KLHL1: variants seen among roughly 807,000 people sequenced by gnomAD.
KLHL1 encodes the protein kelch-like protein 1.
KLHL1 carries 47 observed loss-of-function variants against 77.7 expected under a neutral mutation model. The observed-to-expected ratio is 0.60, with a 90% CI of 0.48 to 0.77. The LOEUF (loss-of-function observed/expected upper bound fraction) is 0.77, where lower values mean the gene tolerates loss of function less well. KLHL1 is among the 30% of genes least tolerant of loss of function. The probability of loss-of-function intolerance (pLI) is 0.00; values close to 1 mark genes in which losing one functional copy is unlikely to be tolerated. For synonymous variants in KLHL1, 360 were observed against 325.2 expected (o/e 1.11, Z -1.15); for missense variants, 925 against 910.8 (o/e 1.02, Z -0.20).
intron 5 of KLHL1, among the ~76,000 whole-genome samples, chr13:69,880,164 T>C (rs1223874814): frequency 1.3e-5 from 2 of 152,184 alleles, no homozygotes; most frequent in Non-Finnish European, 2.9e-5. Flanking sequence ...TCTATGGACT[T>C]TGAAAATCAC....
chr13:69,835,475 G>A (rs759053945), intron 6 of KLHL1, among the ~76,000 whole-genome samples: 13 of 151,992 alleles, frequency 8.6e-5, no homozygotes, highest in Non-Finnish European at 1.5e-4. Context: ...ATCTGCCTTG[G>A]GCCAAACACA....
In KLHL1 at chr13:70,021,586, A is replaced by G. The variant is rs540156938; in HGVS notation, c.498-45784T>C. 5.3e-5 allele frequency among the ~76,000 whole-genome samples: 8 copies of G among 152,202 alleles called. No individual in the cohort carries two copies. In the South Asian group the frequency reaches 1.7e-3, roughly 32 times the overall value. ...ATATCTAGTTTTGTAAGCATCTGCC[A>G]AACTGTCTCCCAAAGTAGCTGTGCT... is the stretch of plus-strand genomic sequence containing the variant. On this transcript the variant is annotated intron_variant, in intron 1 of 10. Coordinates refer to ENST00000377844, the MANE Select transcript of KLHL1 (RefSeq NM_020866.3).
Position 70,108,166 on chromosome 13 carries a change from C to T in KLHL1, c.-467G>A, listed in dbSNP as rs569396846. On this transcript the variant is annotated 5_prime_UTR_variant, in exon 1 of 11. Transcript: ENST00000377844. The stretch of plus-strand genomic sequence containing the variant: ...GAAGGTGGTGGCGTTCTTGTCCTTG[C>T]AGCTCAGAGTTCAGTGTCTGGAGAG... 11 of 399,740 alleles carry T rather than the reference C, an allele frequency of 2.8e-5. No individual in the cohort carries two copies. Among genetic ancestry groups the T allele is most frequent in the African/African-American group, 8.2e-5 (4 of 48,564 alleles). The allele number at this position is 399,740 out of a possible 1,614,324, so 24.8% of individuals were successfully genotyped here.
At chr13:69,797,403 CCAT>C (rs1877157430) in intron 6 of KLHL1, among the ~76,000 whole-genome samples, 1 of 152,066 alleles carries the variant, frequency 6.6e-6, no homozygotes, top group Non-Finnish European at 1.5e-5. Context: ...TAAAATATTA[CCAT>C]GTTTTTCTTT....
chr13:69,940,864 AT>A (rs1229001840), intron 3 of KLHL1, among the ~76,000 whole-genome samples: 1 of 147,312 alleles, frequency 6.8e-6, no homozygotes, highest in Non-Finnish European at 1.5e-5. Context: ...ATCCAGAATA[AT>A]TTTTTTAAAG....
At chr13:69,810,555 T>C (rs917209920) in intron 6 of KLHL1, among the ~76,000 whole-genome samples, 7 of 152,176 alleles carry the variant, frequency 4.6e-5, no homozygotes, top group Middle Eastern at 3.4e-3. Flanking sequence ...ACAAAGTTTA[T>C]AGTGCTGAAC....
At chr13:69,897,289 T>C (rs1331109269) in intron 4 of KLHL1, among the ~76,000 whole-genome samples, 1 of 152,182 alleles carries the variant, frequency 6.6e-6, no homozygotes, top group Admixed American at 6.5e-5. Context: ...GTGGAAGCAG[T>C]TACCTGGCTA....
intron 1 of KLHL1, among the ~76,000 whole-genome samples, chr13:70,052,001 T>C (rs934898371): frequency 2.0e-5 from 3 of 151,980 alleles, no homozygotes; most frequent in African/African-American, 7.2e-5. Flanking sequence ...GTATTTCTTA[T>C]TCTTAAATAC....
intron 1 of KLHL1, among the ~76,000 whole-genome samples, chr13:69,994,824 A>T (rs561726170): frequency 1.6e-4 from 24 of 152,228 alleles, no homozygotes; most frequent in Admixed American, 1.4e-3. Context: ...TTTTTTAAAA[A>T]ATACTAATAT....
At chr13:69,765,064 G>A (rs1484844185) in intron 7 of KLHL1, among the ~76,000 whole-genome samples, 1 of 144,518 alleles carries the variant, frequency 6.9e-6, no homozygotes, top group Non-Finnish European at 1.5e-5. Context: ...TGATTCTCCT[G>A]CCTTAAACTC....
chr13:69,926,307 A>T (rs1220653343), intron 4 of KLHL1, among the ~76,000 whole-genome samples: 1 of 152,198 alleles, frequency 6.6e-6, no homozygotes, highest in Non-Finnish European at 1.5e-5. Context: ...TAAGTTATTT[A>T]AAAAGCATAT....
intron 8 of KLHL1, among the ~76,000 whole-genome samples, chr13:69,735,509 T>C (rs1319694470): frequency 6.7e-6 from 1 of 149,730 alleles, no homozygotes; most frequent in Non-Finnish European, 1.5e-5. Flanking sequence ...TAAATGGTTA[T>C]ATATAAATTA....
At chr13:69,836,922 A>G (rs1879014582) in intron 6 of KLHL1, among the ~76,000 whole-genome samples, 1 of 152,026 alleles carries the variant, frequency 6.6e-6, no homozygotes, top group Admixed American at 6.6e-5. Context: ...ATGTGATTAA[A>G]TACATAAAAA....
chr13:69,870,139 C>T (rs1332081767), intron 5 of KLHL1, among the ~76,000 whole-genome samples: 1 of 152,106 alleles, frequency 6.6e-6, no homozygotes, highest in Non-Finnish European at 1.5e-5. Flanking sequence ...ATTTCTCTCA[C>T]TATTCTGCAC....
intron 4 of KLHL1, among the ~76,000 whole-genome samples, chr13:69,916,938 C>T (rs548570938): frequency 4.0e-5 from 6 of 151,770 alleles, no homozygotes; most frequent in East Asian, 3.9e-4. Flanking sequence ...AAAAGAAAAA[C>T]GTGCAGAAGA....
intron 8 of KLHL1, among the ~76,000 whole-genome samples, chr13:69,720,131 C>T (rs1872977851): frequency 6.6e-6 from 1 of 151,960 alleles, no homozygotes. Context: ...CAAGACTTTA[C>T]AGGAAAAAAG....
intron 1 of KLHL1, among the ~76,000 whole-genome samples, chr13:70,051,068 T>C (rs1197075427): frequency 6.6e-6 from 1 of 151,984 alleles, no homozygotes; most frequent in Admixed American, 6.6e-5. Context: ...GGGAAAGATA[T>C]TGGAAATGTC....
chr13:69,926,468 A>G lies in KLHL1; in HGVS notation c.1014+13572T>C, dbSNP rs533602602. ...ATAAGAACCTCGATTTCCTCATAAA[A>G]CATCTCATGTCCATAGATCAGTAAA... On this transcript the variant is annotated intron_variant, in intron 4 of 10. Transcript: ENST00000377844. 9.2e-5 allele frequency among the ~76,000 whole-genome samples: 14 copies of G among 152,170 alleles called. No individual in the cohort carries two copies. The South Asian group carries it at 1.9e-3, about 20-fold the overall frequency.
At chr13:70,033,287 T>C (rs1566517222) in intron 1 of KLHL1, among the ~76,000 whole-genome samples, 1 of 152,018 alleles carries the variant, frequency 6.6e-6, no homozygotes, top group Non-Finnish European at 1.5e-5. Context: ...TGTTTTGTTT[T>C]GTTTCGTTTT....
Sources: gnomAD v4.1 joint callset for allele counts (sites outside exome capture counted in the v4.1 genomes callset) on GRCh38, gnomAD v4.1.1 for gene constraint, MANE v1.5 for transcripts, NCBI Gene and HGNC (gene_info 2026-07-23, HGNC 2026-07-21) for gene names.